The following MED13L variants were observed in gnomAD, a reference collection of about 807,000 sequenced individuals.
MED13L encodes mediator of RNA polymerase II transcription subunit 13-like.
Under a neutral mutation model 220.9 loss-of-function variants are expected in MED13L, and 7 were observed. The observed-to-expected ratio is 0.03, with a 90% CI of 0.02 to 0.06. MED13L has a LOEUF of 0.06. MED13L is among the 10% of genes least tolerant of loss of function. The probability of loss-of-function intolerance (pLI) is 1.00; values close to 1 mark genes in which losing one functional copy is unlikely to be tolerated. For synonymous variants in MED13L, 1,011 were observed against 1,015.2 expected (o/e 1.00, Z 0.08); for missense variants, 1,965 against 2,760.5 (o/e 0.71, Z 6.46).
chr12:116,181,104 T>C (rs1469525368), intron 2 of MED13L: 2 of 152,144 alleles, frequency 1.3e-5, no homozygotes, highest in African/African-American at 4.8e-5. Context: ...CTAATTTTTG[T>C]ATTTTCAGTA....
intron 4 of MED13L, among the ~76,000 whole-genome samples, chr12:116,024,328 C>A (rs1315090605): frequency 1.3e-5 from 2 of 152,074 alleles, no homozygotes; most frequent in Non-Finnish European, 2.9e-5. Flanking sequence ...AAGCCAGGCA[C>A]AAACATACAA....
intron 4 of MED13L, among the ~76,000 whole-genome samples, chr12:116,048,503 A>C (rs916454699): frequency 1.3e-5 from 2 of 152,244 alleles, no homozygotes; most frequent in Non-Finnish European, 2.9e-5. Flanking sequence ...ATAGAAACTT[A>C]GAATGTGACA....
chr12:116,144,366 G>A (rs559331166), intron 2 of MED13L, among the ~76,000 whole-genome samples: 3 of 152,148 alleles, frequency 2.0e-5, no homozygotes, highest in East Asian at 1.9e-4. Flanking sequence ...CCAACAGTTC[G>A]ACCCTGATAG....
intron 2 of MED13L, among the ~76,000 whole-genome samples, chr12:116,237,245 G>A (rs1185202415): frequency 6.6e-6 from 1 of 151,980 alleles, no homozygotes; most frequent in African/African-American, 2.4e-5. Context: ...TAACAGCAGC[G>A]GTTCACAAGG....
At chr12:116,210,280 C>A (rs1003616222) in intron 2 of MED13L, among the ~76,000 whole-genome samples, 2 of 152,002 alleles carry the variant, frequency 1.3e-5, no homozygotes, top group Non-Finnish European at 2.9e-5. Flanking sequence ...CTGGACTATA[C>A]GTCTGGATCT....
At position 116,237,637 on chromosome 12, in the gene MED13L, AATT is replaced by A; in HGVS notation, c.138_140del (p.Ile47del). ...TTGGATCATCTTGGGCTGGGGCTGAAATTATGGGTCCACAGTCCCCATGCCCTC... is the reference window on the plus strand; with the variant it reads ...TTGGATCATCTTGGGCTGGGGCTGAAATGGGTCCACAGTCCCCATGCCCTC... On this transcript the variant is annotated inframe_deletion, in exon 2 of 31. Coordinates refer to ENST00000281928, the MANE Select transcript of MED13L (RefSeq NM_015335.5). 1 of 1,614,138 alleles carries A rather than the reference AATT, an allele frequency of 6.2e-7. No homozygotes were observed. Among genetic ancestry groups the A allele is most frequent in the Non-Finnish European group, 8.5e-7 (1 of 1,180,028 alleles).
intron 2 of MED13L, among the ~76,000 whole-genome samples, chr12:116,117,481 C>T (rs1874631336): frequency 1.3e-5 from 2 of 152,046 alleles, no homozygotes; most frequent in Non-Finnish European, 1.5e-5. Context: ...ATTACGAAAA[C>T]TCATTTTACC....
intron 4 of MED13L, among the ~76,000 whole-genome samples, chr12:116,088,656 C>T (rs769087868): frequency 6.9e-4 from 104 of 151,670 alleles, no homozygotes; most frequent in Non-Finnish European, 1.2e-3. Flanking sequence ...CTTCTGCCCA[C>T]CACAAAAGAG....
intron 2 of MED13L, among the ~76,000 whole-genome samples, chr12:116,129,919 AAAAGAAAG>A (rs534343859): frequency 3.8e-4 from 57 of 151,308 alleles, no homozygotes; most frequent in African/African-American, 9.9e-4. Context: ...AAAAAAAAAA[AAAAGAAAG>A]AAAGAAAGAA....
chr12:116,223,846 T>C (rs1346715049), intron 2 of MED13L, among the ~76,000 whole-genome samples: 2 of 152,202 alleles, frequency 1.3e-5, no homozygotes, highest in Non-Finnish European at 2.9e-5. Context: ...CAATATCCTA[T>C]AACAACATCA....
At position 116,234,086 on chromosome 12, in the gene MED13L, C is replaced by T. The variant is rs1018743235; in HGVS notation, c.310+3382G>A. 1.4e-4 allele frequency among the ~76,000 whole-genome samples: 21 copies of T among 151,686 alleles called. No homozygotes were observed. In the East Asian group the frequency reaches 2.1e-3, roughly 15 times the overall value. Reference sequence around the variant, plus strand: ...TCTTGGTAGGACGCTATTTGGAGTACGCTATGAAGACAAAGGGAAATGCCA... The same window carrying T: ...TCTTGGTAGGACGCTATTTGGAGTATGCTATGAAGACAAAGGGAAATGCCA... On this transcript the variant is annotated intron_variant, in intron 2 of 30. Transcript: ENST00000281928.
At chr12:116,008,192 T>G in intron 10 of MED13L, 1 of 612,730 alleles carries the variant, frequency 1.6e-6, no homozygotes, top group South Asian at 3.1e-5. Flanking sequence ...GCATAAAGAG[T>G]TCTTTATATG....
chr12:116,083,400 G>A (rs1445819504), intron 4 of MED13L, among the ~76,000 whole-genome samples: 3 of 99,294 alleles, frequency 3.0e-5, no homozygotes, highest in Non-Finnish European at 5.4e-5. Context: ...AGACTGTCTC[G>A]AGGGAAAAAA....
intron 4 of MED13L, among the ~76,000 whole-genome samples, chr12:116,023,016 C>T (rs1208750432): frequency 6.6e-6 from 1 of 152,146 alleles, no homozygotes; most frequent in African/African-American, 2.4e-5. Flanking sequence ...GGCCCACTGA[C>T]CCAGCATAAC....
intron 2 of MED13L, among the ~76,000 whole-genome samples, chr12:116,225,495 ACAAT>A (rs1294879038): frequency 6.6e-6 from 1 of 152,328 alleles, no homozygotes; most frequent in East Asian, 1.9e-4. Flanking sequence ...ACCTCCCTAA[ACAAT>A]CAGAGTTGTA....
chr12:115,961,833 T>C (rs1298732990), intron 30 of MED13L, among the ~76,000 whole-genome samples: 1 of 152,028 alleles, frequency 6.6e-6, no homozygotes, highest in Admixed American at 6.5e-5. Flanking sequence ...TAGTCAGGCG[T>C]GGTGGTGCAT....
At chr12:116,200,773 A>G (rs1196263263) in intron 2 of MED13L, among the ~76,000 whole-genome samples, 1 of 152,250 alleles carries the variant, frequency 6.6e-6, no homozygotes, top group Non-Finnish European at 1.5e-5. Context: ...ATGATTAAAA[A>G]TAGTTTATAA....
intron 3 of MED13L, among the ~76,000 whole-genome samples, chr12:116,105,890 G>C (rs1326925507): frequency 6.6e-6 from 1 of 152,118 alleles, no homozygotes; most frequent in African/African-American, 2.4e-5. Flanking sequence ...TTTAAGGTTG[G>C]TGCTGAATGT....
chr12:116,036,405 T>C (rs1374483578), intron 4 of MED13L, among the ~76,000 whole-genome samples: 1 of 152,214 alleles, frequency 6.6e-6, no homozygotes, highest in Non-Finnish European at 1.5e-5. Flanking sequence ...CTTGTATAAA[T>C]GCAAAAGAAG....
Sources: allele counts gnomAD v4.1 joint callset (sites outside exome capture counted in the v4.1 genomes callset), GRCh38; gene constraint gnomAD v4.1.1; transcripts MANE v1.5; gene names NCBI Gene and HGNC (gene_info 2026-07-23, HGNC 2026-07-21).